The following BCAS3 variants were observed in gnomAD, a reference collection of about 807,000 sequenced individuals.
The protein encoded by BCAS3 is BCAS3 microtubule associated cell migration factor.
Under a neutral mutation model 116.1 loss-of-function variants are expected in BCAS3, and 53 were observed. The observed-to-expected ratio is 0.46, with a 90% CI of 0.37 to 0.57. The LOEUF is 0.57. BCAS3 is among the 20% of genes least tolerant of loss of function. The pLI is 0.00. For missense variants in BCAS3, 917 were observed against 1,165.4 expected, an observed-to-expected ratio of 0.79 and a Z score of 3.10; for synonymous variants, 391 against 408.2, an observed-to-expected ratio of 0.96 and a Z score of 0.51.
chr17:61,319,559 G>A (rs1380131313), intron 22 of BCAS3, among the ~76,000 whole-genome samples: 2 of 149,926 alleles, frequency 1.3e-5, no homozygotes, highest in Non-Finnish European at 3.0e-5. Flanking sequence ...ATATGCTATA[G>A]AGGCTTTTTT....
At position 61,124,852 on chromosome 17, in the gene BCAS3, G is replaced by T. The variant is rs535938305; in HGVS notation, c.2425+40288G>T. Among the ~76,000 whole-genome samples, 1 of 152,252 alleles carries T rather than the reference G, an allele frequency of 6.6e-6. No individual in the cohort carries two copies. Among genetic ancestry groups the T allele is most frequent in the South Asian group, 2.1e-4 (1 of 4,816 alleles). ...GCTCACCTGGCCTCTTAGTGACAGA[G>T]AAATCCTTTGTTTATTCATTTAGTA... On this transcript the variant is annotated intron_variant, in intron 22 of 23. Coordinates refer to ENST00000407086, the MANE Select transcript of BCAS3 (RefSeq NM_017679.5). This position sits in a 1 kb window ranked among gnomAD's most constrained non-coding sequence, Gnocchi z 4.6.
In BCAS3 at chr17:61,347,427, A is replaced by G. The variant is rs2057568432; in HGVS notation, c.2426-20900A>G. On this transcript the variant is annotated intron_variant, in intron 22 of 23. Transcript: ENST00000407086. The surrounding 1 kb of genome is among the most constrained non-coding windows in gnomAD (Gnocchi z 4.3). Reference sequence around the variant, plus strand: ...TGAATAGTGAAATTGTAGCTTTCATATTGTCTTCCCCAAGTTAAACAACCT... The same window carrying G: ...TGAATAGTGAAATTGTAGCTTTCATGTTGTCTTCCCCAAGTTAAACAACCT... Among the ~76,000 whole-genome samples, 1 of 152,140 alleles carries G rather than the reference A, an allele frequency of 6.6e-6. No individual in the cohort carries two copies. The highest frequency in any genetic ancestry group is 6.5e-5 in the Admixed American group (1 of 15,276).
chr17:60,765,370 T>C (rs1220316940), intron 6 of BCAS3, among the ~76,000 whole-genome samples: 3 of 152,346 alleles, frequency 2.0e-5, no homozygotes, highest in South Asian at 4.1e-4. Context: ...TCAGGAGCTC[T>C]TGTAAGGCAG....
chr17:60,710,328 C>T (rs2037704008), intron 5 of BCAS3, among the ~76,000 whole-genome samples: 1 of 151,926 alleles, frequency 6.6e-6, no homozygotes, highest in African/African-American at 2.4e-5. Flanking sequence ...ACATGTATTA[C>T]CTCAGATTTA....
At chr17:61,120,636 A>G (rs1347696900) in intron 22 of BCAS3, among the ~76,000 whole-genome samples, 1 of 152,110 alleles carries the variant, frequency 6.6e-6, no homozygotes, top group African/African-American at 2.4e-5. Flanking sequence ...CCGCTACTCT[A>G]CCATATTATT....
chr17:60,907,564 T>C (rs998577876), intron 11 of BCAS3, among the ~76,000 whole-genome samples: 2 of 152,226 alleles, frequency 1.3e-5, no homozygotes, highest in African/African-American at 2.4e-5. Flanking sequence ...ATTTGAATTA[T>C]AGGTCATAAC....
At position 61,205,548 on chromosome 17, in the gene BCAS3, C is replaced by T. The variant is rs1161671575; in HGVS notation, c.2425+120984C>T. Among the ~76,000 whole-genome samples, 3 of 152,204 alleles carry T rather than the reference C, an allele frequency of 2.0e-5. No homozygotes were observed. Among genetic ancestry groups the T allele is most frequent in the African/African-American group, 7.2e-5 (3 of 41,442 alleles). The stretch of plus-strand genomic sequence containing the variant: ...CTTCCAGGACTCAAGACAGTCTCCT[C>T]AGCCATAATGTCATTGACCTTGACA... On this transcript the variant is annotated intron_variant, in intron 22 of 23. Transcript: ENST00000407086. The surrounding 1 kb of genome is among the most constrained non-coding windows in gnomAD (Gnocchi z 5.2).
intron 22 of BCAS3, among the ~76,000 whole-genome samples, chr17:61,164,351 G>A (rs1848173198): frequency 6.6e-6 from 1 of 152,070 alleles, no homozygotes; most frequent in Admixed American, 6.6e-5. Context: ...TAAGAGGTGG[G>A]ACCTTTAAGA....
chr17:60,698,220 AAAAT>A (rs1426519892), intron 4 of BCAS3, among the ~76,000 whole-genome samples: 1 of 151,632 alleles, frequency 6.6e-6, no homozygotes, highest in African/African-American at 2.4e-5. Flanking sequence ...AGCAGTGGAG[AAAAT>A]AAATAGTGAT....
chr17:61,330,607 A>G (rs2056190472), intron 22 of BCAS3, among the ~76,000 whole-genome samples: 2 of 152,200 alleles, frequency 1.3e-5, no homozygotes, highest in African/African-American at 2.4e-5. Context: ...CCCACGCTAT[A>G]GACTCCATAG....
chr17:60,932,088 T>G (rs2059677010), intron 13 of BCAS3, among the ~76,000 whole-genome samples: 1 of 151,958 alleles, frequency 6.6e-6, no homozygotes, highest in African/African-American at 2.4e-5. Flanking sequence ...AAATAAAAAA[T>G]AAAATAATAT....
intron 22 of BCAS3, among the ~76,000 whole-genome samples, chr17:61,191,826 A>T (rs2080148500): frequency 6.6e-6 from 1 of 151,572 alleles, no homozygotes; most frequent in South Asian, 2.1e-4. Flanking sequence ...TCAAAATATC[A>T]GCAGTAAAAT....
intron 6 of BCAS3, among the ~76,000 whole-genome samples, chr17:60,802,907 G>A (rs1397442497): frequency 6.6e-6 from 1 of 152,190 alleles, no homozygotes; most frequent in Non-Finnish European, 1.5e-5. Flanking sequence ...GTGAGCCACT[G>A]TGCCCAGTCT....
At chr17:60,763,614 A>T (rs533876784) in intron 6 of BCAS3, among the ~76,000 whole-genome samples, 63 of 151,738 alleles carry the variant, frequency 4.2e-4, no homozygotes, top group Non-Finnish European at 2.9e-5. Flanking sequence ...TTTATTGAGG[A>T]TTTTCGCATC....
At chr17:61,093,108 A>G (rs1389873906) in intron 22 of BCAS3, among the ~76,000 whole-genome samples, 1 of 151,838 alleles carries the variant, frequency 6.6e-6, no homozygotes, top group African/African-American at 2.4e-5. Flanking sequence ...AGGTTTCATC[A>G]TGTTGGCCAG....
chr17:61,004,271 T>C lies in BCAS3; in HGVS notation c.1487-11480T>C, dbSNP rs928580782. On this transcript the variant is annotated intron_variant, in intron 15 of 23. Coordinates refer to ENST00000407086, the MANE Select transcript of BCAS3 (RefSeq NM_017679.5). The surrounding 1 kb of genome is among the most constrained non-coding windows in gnomAD (Gnocchi z 4.8). ...AGTGAATGAATGTAAAAACTACTTA[T>C]TCAGATAAAGAAGTGCAAATGGGTA... 3.9e-5 allele frequency among the ~76,000 whole-genome samples: 6 copies of C among 152,116 alleles called. No individual in the cohort carries two copies. The South Asian group carries it at 1.2e-3, about 32-fold the overall frequency.
intron 4 of BCAS3, among the ~76,000 whole-genome samples, chr17:60,705,535 A>C (rs2037011194): frequency 6.8e-6 from 1 of 147,936 alleles, no homozygotes; most frequent in African/African-American, 2.4e-5. Flanking sequence ...AAAAAAGAAA[A>C]GAAAATCATG....
rs186302144 is a variant in BCAS3 at position 61,265,830 on chromosome 17, A to T, written c.2426-102497A>T. On this transcript the variant is annotated intron_variant, in intron 22 of 23. Coordinates refer to ENST00000407086, the MANE Select transcript of BCAS3 (RefSeq NM_017679.5). This position sits in a 1 kb window ranked among gnomAD's most constrained non-coding sequence, Gnocchi z 4.3. ...AAAAATCTTTGACTCCACCATTTTTATAATAAACACTTGCAAACTCACACC... is the reference window on the plus strand; with the variant it reads ...AAAAATCTTTGACTCCACCATTTTTTTAATAAACACTTGCAAACTCACACC... 6.6e-6 allele frequency among the ~76,000 whole-genome samples: 1 copy of T among 152,270 alleles called. No individual in the cohort carries two copies. Among genetic ancestry groups the T allele is most frequent in the Admixed American group, 6.5e-5 (1 of 15,290 alleles).
At chr17:60,765,330 G>A (rs1303361885) in intron 6 of BCAS3, among the ~76,000 whole-genome samples, 6 of 152,102 alleles carry the variant, frequency 3.9e-5, no homozygotes, top group Non-Finnish European at 7.4e-5. Context: ...GGCTGGTACC[G>A]GTTGTTCCTT....
Sources: allele counts gnomAD v4.1 joint callset (sites outside exome capture counted in the v4.1 genomes callset), GRCh38; gene constraint gnomAD v4.1.1; non-coding constraint Gnocchi (gnomAD v3.1); transcripts MANE v1.5; gene names NCBI Gene and HGNC (gene_info 2026-07-23, HGNC 2026-07-21).